ZNF892: variants seen among roughly 807,000 people sequenced by gnomAD.
The protein encoded by ZNF892 is zinc finger protein 570-like.
the ZNF892 span, among the ~76,000 whole-genome samples, chr2:95,217,181 C>T: frequency 6.6e-6 from 1 of 152,116 alleles, no homozygotes; most frequent in Non-Finnish European, 1.5e-5. Context: ...AGAAATAGCT[C>T]CCTCTTCTTA....
chr2:95,243,084 G>A, the ZNF892 span, among the ~76,000 whole-genome samples: 11 of 152,196 alleles, frequency 7.2e-5, no homozygotes, highest in Admixed American at 3.3e-4. Flanking sequence ...GCTCCTAACC[G>A]CGAGTGATCC....
the ZNF892 span, among the ~76,000 whole-genome samples, chr2:95,241,442 A>G: frequency 2.0e-5 from 3 of 152,194 alleles, no homozygotes; most frequent in Non-Finnish European, 4.4e-5. Flanking sequence ...AACAAACAGA[A>G]AACAAAACAA....
chr2:95,206,827 C>G, the ZNF892 span, among the ~76,000 whole-genome samples: 1 of 151,626 alleles, frequency 6.6e-6, no homozygotes, highest in African/African-American at 2.4e-5. Flanking sequence ...AAGGGGTCAA[C>G]TGGAGTTTGT....
chr2:95,254,314 T>C, the ZNF892 span, among the ~76,000 whole-genome samples: 2 of 152,076 alleles, frequency 1.3e-5, no homozygotes, highest in African/African-American at 4.8e-5. Flanking sequence ...TTGTCAAAGG[T>C]CTTTTCTGCA....
chr2:95,226,865 C>G, the ZNF892 span, among the ~76,000 whole-genome samples: 1 of 152,126 alleles, frequency 6.6e-6, no homozygotes, highest in African/African-American at 2.4e-5. Flanking sequence ...GTCCTGGATC[C>G]AAATCACTGC....
At chr2:95,214,546 C>A in the ZNF892 span, 2 of 398,610 alleles carry the variant, frequency 5.0e-6, no homozygotes, top group Non-Finnish European at 8.8e-6. Flanking sequence ...AGCTACCAAT[C>A]TGATGAATTT....
At chr2:95,207,420 A>C in the ZNF892 span, 2 of 165,600 alleles carry the variant, frequency 1.2e-5, no homozygotes, top group Non-Finnish European at 2.6e-5. Context: ...TGCCGCGGCA[A>C]GAAACGCAGC....
At chr2:95,214,521 T>A in the ZNF892 span, 1 of 398,524 alleles carries the variant, frequency 2.5e-6, no homozygotes, top group Non-Finnish European at 4.4e-6. Flanking sequence ...CACTGAGAAA[T>A]CTTCTAGGGA....
chr2:95,247,303 A>G, the ZNF892 span, among the ~76,000 whole-genome samples: 9 of 152,240 alleles, frequency 5.9e-5, no homozygotes, highest in African/African-American at 2.2e-4. Context: ...CCAGCAAGCC[A>G]TATGCAGAAA....
At chr2:95,219,685 C>G in the ZNF892 span, among the ~76,000 whole-genome samples, 1 of 152,096 alleles carries the variant, frequency 6.6e-6, no homozygotes, top group South Asian at 2.1e-4. Flanking sequence ...ATTTGGTATC[C>G]TATTTAAGTC....
the ZNF892 span, among the ~76,000 whole-genome samples, chr2:95,246,787 G>C: frequency 1.3e-5 from 2 of 152,074 alleles, no homozygotes; most frequent in Non-Finnish European, 2.9e-5. Flanking sequence ...AAATACCTAG[G>C]AATACAGCTA....
chr2:95,236,503 C>T, the ZNF892 span, among the ~76,000 whole-genome samples: 1 of 152,306 alleles, frequency 6.6e-6, no homozygotes, highest in South Asian at 2.1e-4. Flanking sequence ...TCTCGTTCTG[C>T]TCTATCTTGG....
chr2:95,249,848 A>T, the ZNF892 span, among the ~76,000 whole-genome samples: 2 of 152,188 alleles, frequency 1.3e-5, no homozygotes, highest in Non-Finnish European at 2.9e-5. Context: ...TTTGGAAATG[A>T]TCTAGATAGT....
At chr2:95,208,353 C>T in the ZNF892 span, among the ~76,000 whole-genome samples, 2 of 152,138 alleles carry the variant, frequency 1.3e-5, no homozygotes, top group African/African-American at 2.4e-5. Flanking sequence ...ATCACTGAGG[C>T]GTGGACATAC....
chr2:95,231,771 G>T, the ZNF892 span, among the ~76,000 whole-genome samples: 7 of 152,002 alleles, frequency 4.6e-5, no homozygotes, highest in Non-Finnish European at 8.8e-5. Context: ...TTTTTTTAGG[G>T]ATTTGTTTGC....
At chr2:95,214,129 C>T in the ZNF892 span, among the ~76,000 whole-genome samples, 13 of 152,186 alleles carry the variant, frequency 8.5e-5, 1 homozygote, top group South Asian at 2.3e-3. Flanking sequence ...CCTTTTATGC[C>T]GTCGTACTTC....
At chr2:95,254,323 C>A in the ZNF892 span, among the ~76,000 whole-genome samples, 1 of 152,222 alleles carries the variant, frequency 6.6e-6, no homozygotes, top group South Asian at 2.1e-4. Flanking sequence ...GTCTTTTCTG[C>A]ATCTATTGAG....
At chr2:95,247,614 C>A in the ZNF892 span, among the ~76,000 whole-genome samples, 1 of 151,976 alleles carries the variant, frequency 6.6e-6, no homozygotes, top group South Asian at 2.1e-4. Context: ...ATGCATCTGA[C>A]AAAGGTCTAA....
the ZNF892 span, among the ~76,000 whole-genome samples, chr2:95,239,586 C>A: frequency 6.6e-6 from 1 of 151,932 alleles, no homozygotes; most frequent in Non-Finnish European, 1.5e-5. Context: ...GACCCTCCAC[C>A]AGCAAAAAGA....
Sources: allele counts gnomAD v4.1 joint callset (sites outside exome capture counted in the v4.1 genomes callset), GRCh38; gene constraint gnomAD v4.1.1; transcripts MANE v1.5; gene names NCBI Gene and HGNC (gene_info 2026-07-23, HGNC 2026-07-21).